The following UBAC2 variants were observed in gnomAD, a reference collection of about 807,000 sequenced individuals.
UBAC2 encodes ubiquitin-associated domain-containing protein 2.
UBAC2 carries 26 observed loss-of-function variants against 44.0 expected under a neutral mutation model. The observed-to-expected ratio is 0.59, with a 90% confidence interval of 0.43 to 0.82. UBAC2 has a LOEUF of 0.82. UBAC2 is among the 40% of genes least tolerant of loss of function. UBAC2 has a pLI of 0.00. For synonymous variants in UBAC2, 155 were observed against 154.3 expected, an observed-to-expected ratio of 1.00 and a Z score of -0.04; for missense variants, 329 against 419.4, an observed-to-expected ratio of 0.78 and a Z score of 1.88.
At chr13:99,263,161 TAGAG>T (rs1399076529) in intron 4 of UBAC2, among the ~76,000 whole-genome samples, 6 of 152,338 alleles carry the variant, frequency 3.9e-5, no homozygotes, top group African/African-American at 1.2e-4. Flanking sequence ...CCCTACTTAA[TAGAG>T]AATCATCATA....
At chr13:99,341,086 C>T (rs928558584) in intron 7 of UBAC2, among the ~76,000 whole-genome samples, 1 of 152,166 alleles carries the variant, frequency 6.6e-6, no homozygotes, top group Non-Finnish European at 1.5e-5. Context: ...GCACATTTGT[C>T]TACAAATTCT....
intron 4 of UBAC2, chr13:99,294,975 C>A (rs1594097146): frequency 7.0e-7 from 1 of 1,434,638 alleles, no homozygotes; most frequent in East Asian, 2.3e-5. Context: ...TAATTGGAAG[C>A]TGAACAATTA....
chr13:99,309,411 T>G (rs954415412), intron 4 of UBAC2, among the ~76,000 whole-genome samples: 5 of 151,314 alleles, frequency 3.3e-5, no homozygotes. Context: ...GCCCAGCCCC[T>G]TTTTTTTGAT....
chr13:99,271,517 G>T (rs747688899), intron 4 of UBAC2, among the ~76,000 whole-genome samples: 1 of 152,142 alleles, frequency 6.6e-6, no homozygotes, highest in East Asian at 1.9e-4. Context: ...ACTAATTTTG[G>T]CCTTTAATCA....
Position 99,238,463 on chromosome 13 carries a change from C to T in UBAC2, c.68C>T (p.Pro23Leu). 3.1e-6 allele frequency: 5 copies of T among 1,613,952 alleles called. No individual in the cohort carries two copies. The highest frequency in any genetic ancestry group is 4.2e-6 in the Non-Finnish European group (5 of 1,179,892). ...APLSKSLLLV[P>L]SALSLLLALL... Reference sequence around the variant, plus strand: ...CTGTCGAAGAGCCTTCTGCTGGTCCCCAGTGCCCTCTCCCTCCTGCTCGCC... The same window carrying T: ...CTGTCGAAGAGCCTTCTGCTGGTCCTCAGTGCCCTCTCCCTCCTGCTCGCC... The change falls in exon 2 of 9, where the codon CCC (proline) becomes CTC (leucine). Residue 23 changes from proline (P) to leucine (L), a missense_variant. Transcript: ENST00000403766.
chr13:99,258,297 C>T (rs1332688892), intron 4 of UBAC2: 1 of 152,214 alleles, frequency 6.6e-6, no homozygotes, highest in Non-Finnish European at 1.5e-5. Context: ...TTGTTTTAGA[C>T]TCTTTTGTTG....
At chr13:99,351,897 A>G (rs1359123923) in intron 7 of UBAC2, 3 of 390,722 alleles carry the variant, frequency 7.7e-6, no homozygotes, top group South Asian at 1.9e-5. Flanking sequence ...GAAAGAAGCT[A>G]CTGACACCCA....
intron 8 of UBAC2, among the ~76,000 whole-genome samples, chr13:99,374,120 T>G (rs2045447042): frequency 6.6e-6 from 1 of 152,196 alleles, no homozygotes; most frequent in Non-Finnish European, 1.5e-5. Context: ...AAACAGAATG[T>G]GAGCTCCCGC....
intron 5 of UBAC2, among the ~76,000 whole-genome samples, chr13:99,315,425 G>T (rs1444041781): frequency 1.3e-5 from 2 of 152,148 alleles, no homozygotes; most frequent in Middle Eastern, 3.2e-3. Context: ...GAAACCCTCT[G>T]AGCCTCACAT....
chr13:99,349,844 C>T (rs191443411), intron 7 of UBAC2, among the ~76,000 whole-genome samples: 9 of 152,266 alleles, frequency 5.9e-5, no homozygotes, highest in South Asian at 2.1e-4. Flanking sequence ...CGGATGACTG[C>T]GGGCAGACTG....
intron 5 of UBAC2, 36 bp downstream of exon 5, chr13:99,314,256 C>A (rs765465237): frequency 1.3e-6 from 2 of 1,493,764 alleles, no homozygotes; most frequent in African/African-American, 1.5e-5. Context: ...TTTTCTTTAA[C>A]CAGATCTTTT....
chr13:99,360,621 C>T (rs912074940), intron 7 of UBAC2, among the ~76,000 whole-genome samples: 1 of 152,168 alleles, frequency 6.6e-6, no homozygotes, highest in Non-Finnish European at 1.5e-5. Flanking sequence ...CACTTAGGCC[C>T]CTTTCTTTGA....
intron 6 of UBAC2, among the ~76,000 whole-genome samples, chr13:99,326,189 A>G (rs1253413695): frequency 1.3e-5 from 2 of 152,156 alleles, no homozygotes; most frequent in East Asian, 1.9e-4. Context: ...CATCCTAACC[A>G]ACACTTGTCT....
At chr13:99,252,756 TA>T (rs918646731) in intron 4 of UBAC2, among the ~76,000 whole-genome samples, 1 of 152,178 alleles carries the variant, frequency 6.6e-6, no homozygotes, top group African/African-American at 2.4e-5. Context: ...GTAAATTATT[TA>T]AAAAATAACT....
At chr13:99,339,307 C>T (rs1187642974) in intron 6 of UBAC2, among the ~76,000 whole-genome samples, 4 of 152,248 alleles carry the variant, frequency 2.6e-5, no homozygotes, top group African/African-American at 7.2e-5. Flanking sequence ...TGATGTCCCC[C>T]GCTGCCCCCA....
intron 8 of UBAC2, among the ~76,000 whole-genome samples, chr13:99,375,981 T>C (rs2045475433): frequency 6.6e-6 from 1 of 151,016 alleles, no homozygotes. Context: ...TTTTTTTTTT[T>C]TTTTTTTTTG....
chr13:99,350,211 CT>C (rs1449392763), intron 7 of UBAC2, among the ~76,000 whole-genome samples: 2 of 152,294 alleles, frequency 1.3e-5, no homozygotes, highest in East Asian at 3.9e-4. Flanking sequence ...TACTCTTACT[CT>C]ATTTTCTTTT....
chr13:99,256,862 T>C (rs896054092), intron 4 of UBAC2, among the ~76,000 whole-genome samples: 6 of 152,298 alleles, frequency 3.9e-5, no homozygotes, highest in African/African-American at 1.4e-4. Context: ...ATGGAATCTG[T>C]GGCATCCCCT....
At chr13:99,301,965 C>A (rs559803764) in intron 4 of UBAC2, among the ~76,000 whole-genome samples, 14 of 152,220 alleles carry the variant, frequency 9.2e-5, no homozygotes, top group African/African-American at 3.4e-4. Flanking sequence ...CCTAGGAATT[C>A]TGTTTAATTG....
Sources: allele counts gnomAD v4.1 joint callset (sites outside exome capture counted in the v4.1 genomes callset), GRCh38; gene constraint gnomAD v4.1.1; transcripts MANE v1.5; gene names NCBI Gene and HGNC (gene_info 2026-07-23, HGNC 2026-07-21).